The following TP53AIP1 variants were observed in gnomAD, a reference collection of about 807,000 sequenced individuals.
The protein encoded by TP53AIP1 is p53-regulated apoptosis-inducing protein 1.
In TP53AIP1, 14 loss-of-function variants were observed where a neutral mutation model predicts 9.5. The ratio of observed to expected loss-of-function variants is 1.47; its 90% CI spans 0.97 to 2.30. The LOEUF is 2.30. Among genes scored for constraint, TP53AIP1 ranks in the 30% most tolerant of loss-of-function variants. TP53AIP1 has a pLI of 0.00. For synonymous variants in TP53AIP1, 73 were observed against 61.2 expected (o/e 1.19, Z -0.90); for missense variants, 153 against 146.7 (o/e 1.04, Z -0.22).
rs916079535 is a variant in TP53AIP1, at chr11:128,939,008, C to T, written c.-76-1114G>A. Among the ~76,000 whole-genome samples, 2 of 152,136 alleles carry T rather than the reference C, an allele frequency of 1.3e-5. No homozygotes were observed. Among genetic ancestry groups the T allele is most frequent in the East Asian group, 1.9e-4 (1 of 5,202 alleles). On this transcript the variant is annotated intron_variant, in intron 1 of 3. Coordinates refer to ENST00000531399, the MANE Select transcript of TP53AIP1 (RefSeq NM_022112.3). The surrounding 1 kb of genome is among the most constrained non-coding windows in gnomAD (Gnocchi z 4.1). ...CAGTTTGGTACATGCTGGCCATGTG[C>T]GGTGACCACGCTAAGTACTGTGCGT...
rs1401329756 is a variant in TP53AIP1 at position 128,938,781 on chromosome 11, A to G, written c.-76-887T>C. ...CACAGCAGCGCCACCTGCATCACCC[A>G]CAGAATGGAGGGAGACAGCGGCTCT... On this transcript the variant is annotated intron_variant, in intron 1 of 3. Coordinates refer to ENST00000531399, the MANE Select transcript of TP53AIP1 (RefSeq NM_022112.3). 2.0e-5 allele frequency among the ~76,000 whole-genome samples: 3 copies of G among 152,224 alleles called. No homozygotes were observed. In the East Asian group the frequency reaches 5.8e-4, roughly 29 times the overall value.
rs1266280262 is a variant in TP53AIP1, at chr11:128,935,676, C to A, written c.290G>T (p.Gly97Val). The A allele has an allele frequency of 6.3e-7, 1 of 1,585,938 alleles. No individual in the cohort carries two copies. Among genetic ancestry groups the A allele is most frequent in the Non-Finnish European group, 8.5e-7 (1 of 1,173,822 alleles). Residue 97 changes from glycine (G) to valine (V), a missense_variant, in exon 4 of 4, where the codon GGA becomes GTA. Transcript: ENST00000531399. ...TGGCCTGTCTCTAAGCACTGTGGCTCCAGGAAGGAAAGGCCTGGAGAGACC... is the reference window on the plus strand; with the variant it reads ...TGGCCTGTCTCTAAGCACTGTGGCTACAGGAAGGAAAGGCCTGGAGAGACC... The part of the protein sequence containing the change: ...GLGLSRPFLP[G>V]ATVLRDRPLG...
intron 1 of TP53AIP1, among the ~76,000 whole-genome samples, chr11:128,940,973 G>T (rs1194055347): frequency 6.6e-6 from 1 of 152,190 alleles, no homozygotes; most frequent in Non-Finnish European, 1.5e-5. Flanking sequence ...CCCCGACTTT[G>T]GAGTAGTCTG....
Position 128,936,650 on chromosome 11 carries a change from C to G in TP53AIP1, c.142-1G>C, listed in dbSNP as rs764207954. 3.5e-5 allele frequency: 55 copies of G among 1,578,166 alleles called. No individual in the cohort carries two copies. Among genetic ancestry groups the G allele is most frequent in the Non-Finnish European group, 4.6e-5 (54 of 1,170,168 alleles). ...CACCCAAAACTAAGGGATCTGAAAC[C>G]TGAGAGGAAATGGAAGCAGACTGTG... On this transcript the variant is annotated splice_acceptor_variant, in intron 2 of 3. Transcript: ENST00000531399. LOFTEE classifies it high-confidence loss of function.
intron 1 of TP53AIP1, among the ~76,000 whole-genome samples, chr11:128,940,631 T>C (rs1318461310): frequency 6.6e-6 from 1 of 152,178 alleles, no homozygotes; most frequent in East Asian, 1.9e-4. Context: ...GGCACCTGGC[T>C]CCAGAGCTGT....
chr11:128,936,345 T>A, intron 3 of TP53AIP1, 193 bp downstream of exon 3: 1 of 1,383,568 alleles, frequency 7.2e-7, no homozygotes, highest in Non-Finnish European at 9.3e-7. Context: ...TATTTTAATT[T>A]GAGAAATTAA....
downstream of TP53AIP1, chr11:128,935,030 C>T (rs541426167): frequency 1.4e-6 from 1 of 703,126 alleles, no homozygotes; most frequent in African/African-American, 1.7e-5. Context: ...ACAGGCCAGG[C>T]AAGCTCTTAC....
intron 3 of TP53AIP1, chr11:128,936,219 G>C (rs1944820427): frequency 9.2e-7 from 1 of 1,091,470 alleles, no homozygotes; most frequent in Non-Finnish European, 1.1e-6. Flanking sequence ...TGGAATGGAA[G>C]ACTGCTCATT....
Position 128,935,479 on chromosome 11 carries a change from G to T in TP53AIP1, c.*112C>A, listed in dbSNP as rs1565328791. On this transcript the variant is annotated 3_prime_UTR_variant, in exon 4 of 4. Transcript: ENST00000531399. ...AAGGGGGGAAATGAGGTGGCCGCTAGTCAGCGCTGGAGCCATTTCTCGACG... is the reference window on the plus strand; with the variant it reads ...AAGGGGGGAAATGAGGTGGCCGCTATTCAGCGCTGGAGCCATTTCTCGACG... 1 of 1,454,376 alleles carries T rather than the reference G, an allele frequency of 6.9e-7. No individual in the cohort carries two copies. Among genetic ancestry groups the T allele is most frequent in the Non-Finnish European group, 9.0e-7 (1 of 1,108,728 alleles). The allele number at this position is 1,454,376 out of a possible 1,614,324, so 90.1% of individuals were successfully genotyped here.
Position 128,935,536 on chromosome 11 carries a change from T to C in TP53AIP1, c.*55A>G. On this transcript the variant is annotated 3_prime_UTR_variant, in exon 4 of 4. Coordinates refer to ENST00000531399, the MANE Select transcript of TP53AIP1 (RefSeq NM_022112.3). ...TCTGTTTGTTTGTTTGTTTTTGTTT[T>C]GAGATGGAGTCTCTCTCTGTCGCCC... 1 of 1,518,144 alleles carries C rather than the reference T, an allele frequency of 6.6e-7. No homozygotes were observed. Among genetic ancestry groups the C allele is most frequent in the Non-Finnish European group, 8.8e-7 (1 of 1,138,876 alleles). The allele number at this position is 1,518,144 out of a possible 1,614,324, so 94.0% of individuals were successfully genotyped here.
rs1591465461 is a variant in TP53AIP1 at position 128,937,955 on chromosome 11, G to T, written c.-76-61C>A. The T allele has an allele frequency of 3.2e-6, 3 of 947,458 alleles. No homozygotes were observed. Among genetic ancestry groups the T allele is most frequent in the Non-Finnish European group, 1.5e-6 (1 of 649,956 alleles). 58.7% of individuals were successfully genotyped at this position (947,458 alleles called of 1,614,324 possible). On this transcript the variant is annotated intron_variant, in intron 1 of 3. Coordinates refer to ENST00000531399, the MANE Select transcript of TP53AIP1 (RefSeq NM_022112.3). The surrounding 1 kb of genome is among the most constrained non-coding windows in gnomAD (Gnocchi z 4.8). The stretch of plus-strand genomic sequence containing the variant: ...GTGGTGGCAGCGCTGGGCCAGCAAT[G>T]ATGATTTCTACTGTTAGGGTTTCAG...
At chr11:128,940,353 T>G (rs1944917436) in intron 1 of TP53AIP1, among the ~76,000 whole-genome samples, 1 of 152,188 alleles carries the variant, frequency 6.6e-6, no homozygotes, top group African/African-American at 2.4e-5. Flanking sequence ...CAGCCTTAGA[T>G]GGTGTTATGG....
At chr11:128,942,280 TG>T (rs552347346) in intron 1 of TP53AIP1, among the ~76,000 whole-genome samples, 2 of 152,162 alleles carry the variant, frequency 1.3e-5, no homozygotes, top group Non-Finnish European at 2.9e-5. Context: ...CAAAGTGAAG[TG>T]GCCTCCATAC....
At chr11:128,936,876 G>T in intron 2 of TP53AIP1, 3 of 1,347,530 alleles carry the variant, frequency 2.2e-6, no homozygotes, top group Admixed American at 3.5e-5. Flanking sequence ...CAAAGACAGA[G>T]ACAGCAAATC....
At chr11:128,940,331 C>T (rs1481028686) in intron 1 of TP53AIP1, among the ~76,000 whole-genome samples, 1 of 152,202 alleles carries the variant, frequency 6.6e-6, no homozygotes, top group African/African-American at 2.4e-5. Flanking sequence ...GCACACTTGT[C>T]TCAGGCAGAA....
At chr11:128,941,237 C>G (rs181026539) in intron 1 of TP53AIP1, among the ~76,000 whole-genome samples, 1 of 152,194 alleles carries the variant, frequency 6.6e-6, no homozygotes, top group East Asian at 1.9e-4. Flanking sequence ...CTTCTTGCCC[C>G]GCTCTGTGCC....
In TP53AIP1 at chr11:128,937,242, A is replaced by G; in HGVS notation, c.141+436T>C. The G allele has an allele frequency of 7.9e-7, 1 of 1,268,120 alleles. No individual in the cohort carries two copies. Among genetic ancestry groups the G allele is most frequent in the Non-Finnish European group, 9.9e-7 (1 of 1,006,740 alleles). The allele number at this position is 1,268,120 out of a possible 1,614,324, so 78.6% of individuals were successfully genotyped here. A position where few individuals can be genotyped will look rare whatever the true frequency, so the allele number is the denominator to read the frequency against. ...GACTGGTGCTCCGAGGCCCATCTGG[A>G]CAAAAGCAGGATCCGGGGTGGACGC... On this transcript the variant is annotated intron_variant, in intron 2 of 3. Transcript: ENST00000531399. This position sits in a 1 kb window ranked among gnomAD's most constrained non-coding sequence, Gnocchi z 4.8.
chr11:128,937,662 C>T lies in TP53AIP1; in HGVS notation c.141+16G>A. On this transcript the variant is annotated intron_variant, in intron 2 of 3. Coordinates refer to ENST00000531399, the MANE Select transcript of TP53AIP1 (RefSeq NM_022112.3). The surrounding 1 kb of genome is among the most constrained non-coding windows in gnomAD (Gnocchi z 4.8). ...GCAGGCAAAAGACCGTCTCGGTTTT[C>T]ACTGCAGGGACTTACCCAGCCAGGT... The T allele has an allele frequency of 1.9e-6, 3 of 1,614,184 alleles. No homozygotes were observed. Among genetic ancestry groups the T allele is most frequent in the South Asian group, 2.2e-5 (2 of 91,072 alleles).
At chr11:128,935,836 A>G in intron 3 of TP53AIP1, 124 bp from the exon 4 acceptor site, 3 of 1,374,432 alleles carry the variant, frequency 2.2e-6, no homozygotes, top group South Asian at 4.1e-5. Context: ...TCTAAAACAC[A>G]ATCCATTGTA....
Sources: allele counts gnomAD v4.1 joint callset (sites outside exome capture counted in the v4.1 genomes callset), GRCh38; gene constraint gnomAD v4.1.1; non-coding constraint Gnocchi (gnomAD v3.1); transcripts MANE v1.5; gene names NCBI Gene and HGNC (gene_info 2026-07-23, HGNC 2026-07-21).